The following WWOX variants were observed in gnomAD, a reference collection of about 807,000 sequenced individuals.
WWOX encodes WW domain containing oxidoreductase, also known as WW domain-containing oxidoreductase.
A neutral mutation model predicts 46.2 loss-of-function variants in WWOX; 69 were observed. The observed-to-expected ratio is 1.49, with a 90% CI of 1.23 to 1.82. The LOEUF is 1.82. WWOX is among the 40% of genes most tolerant of loss of function. The pLI, the probability that WWOX is intolerant of heterozygous loss-of-function variation, is 0.00. For missense variants in WWOX, 919 were observed against 542.6 expected, an observed-to-expected ratio of 1.69 and a Z score of -6.89; for synonymous variants, 359 against 202.6, an observed-to-expected ratio of 1.77 and a Z score of -6.56.
intron 4 of WWOX, among the ~76,000 whole-genome samples, chr16:78,159,671 GGTTTTTTTTT>G (rs2034721397): frequency 1.2e-5 from 1 of 84,600 alleles, no homozygotes; most frequent in African/African-American, 4.6e-5. Flanking sequence ...TAAAATCTGT[GGTTTTTTTTT>G]TTTTTTTTTT....
rs549760500 is a variant in WWOX, at chr16:78,565,552, T to C, written c.1056+132800T>C. Among the ~76,000 whole-genome samples the C allele has an allele frequency of 2.6e-5, 4 of 152,334 alleles. No homozygotes were observed. In the East Asian group the frequency reaches 5.8e-4, roughly 22 times the overall value. ...TCTTATAAGGACCCTTTTGATTTCA[T>C]TGGGAATACCCAGATAATCTTGGAT... On this transcript the variant is annotated intron_variant, in intron 8 of 8. Transcript: ENST00000566780.
intron 8 of WWOX, among the ~76,000 whole-genome samples, chr16:78,532,729 C>T (rs184789387): frequency 4.0e-5 from 6 of 151,152 alleles, no homozygotes; most frequent in Admixed American, 1.3e-4. Context: ...TGTAGGGAAA[C>T]TCTCCCTTAT....
intron 8 of WWOX, among the ~76,000 whole-genome samples, chr16:78,868,330 A>G (rs1597083187): frequency 1.3e-5 from 2 of 152,210 alleles, no homozygotes; most frequent in East Asian, 1.9e-4. Flanking sequence ...GAAAAGATGA[A>G]ACTCTATAGA....
At chr16:78,562,261 C>T (rs2859625) in intron 8 of WWOX, among the ~76,000 whole-genome samples, 1 of 152,226 alleles carries the variant, frequency 6.6e-6, no homozygotes, top group Admixed American at 6.5e-5. Flanking sequence ...GCCTCTAGCT[C>T]TCACACTGCA....
At chr16:78,983,771 C>G (rs919022627) in intron 8 of WWOX, among the ~76,000 whole-genome samples, 1 of 151,784 alleles carries the variant, frequency 6.6e-6, no homozygotes, top group South Asian at 2.1e-4. Flanking sequence ...TGTTAAACCC[C>G]TGTGACTTTG....
chr16:78,786,382 T>C (rs1414144673), intron 8 of WWOX, among the ~76,000 whole-genome samples: 1 of 152,162 alleles, frequency 6.6e-6, no homozygotes, highest in Non-Finnish European at 1.5e-5. Context: ...CACGTTATTA[T>C]ATAGTATTTT....
At chr16:79,202,111 G>A (rs530492216) in intron 8 of WWOX, among the ~76,000 whole-genome samples, 14 of 152,236 alleles carry the variant, frequency 9.2e-5, no homozygotes, top group East Asian at 1.9e-4. Context: ...TTGGGTAGAC[G>A]TTGTCGATGG....
At chr16:78,420,126 C>A (rs988499354) in intron 6 of WWOX, among the ~76,000 whole-genome samples, 9 of 152,058 alleles carry the variant, frequency 5.9e-5, no homozygotes, top group African/African-American at 1.4e-4. Flanking sequence ...CAAATACTTA[C>A]AAACACATGG....
chr16:78,781,976 G>A (rs538517014), intron 8 of WWOX, among the ~76,000 whole-genome samples: 1 of 152,248 alleles, frequency 6.6e-6, no homozygotes, highest in African/African-American at 2.4e-5. Flanking sequence ...CTGAGGCAGA[G>A]GATTCCAGCA....
chr16:78,178,200 C>T (rs2075860741), intron 5 of WWOX, among the ~76,000 whole-genome samples: 1 of 152,180 alleles, frequency 6.6e-6, no homozygotes, highest in African/African-American at 2.4e-5. Context: ...GGGTTTGGTA[C>T]AGAGGGGATT....
chr16:78,744,417 C>G lies in WWOX; in HGVS notation c.1056+311665C>G, dbSNP rs116276346. 5.0e-3 allele frequency among the ~76,000 whole-genome samples: 707 copies of G among 140,376 alleles called. 5 individuals carry two copies. The highest frequency in any genetic ancestry group is 0.018 in the African/African-American group (645 of 36,612). 92.1% of individuals were successfully genotyped at this position (140,376 alleles called of 152,430 possible). A position where few individuals can be genotyped will look rare whatever the true frequency, so the allele number is the denominator to read the frequency against. The stretch of plus-strand genomic sequence containing the variant: ...CAGATTAGGAAGGGCCCATGGTCCA[C>G]ACTGCTTTTTTTTTTTTTTTTTTTT... On this transcript the variant is annotated intron_variant, in intron 8 of 8. Transcript: ENST00000566780.
At chr16:78,621,105 C>T (rs1250601417) in intron 8 of WWOX, among the ~76,000 whole-genome samples, 2 of 152,266 alleles carry the variant, frequency 1.3e-5, no homozygotes, top group African/African-American at 4.8e-5. Context: ...CACAGTTTAT[C>T]TTTGAAAATG....
At chr16:78,245,797 C>G (rs1315269519) in intron 5 of WWOX, among the ~76,000 whole-genome samples, 2 of 152,138 alleles carry the variant, frequency 1.3e-5, no homozygotes, top group Admixed American at 1.3e-4. Flanking sequence ...AATATTCTTC[C>G]TCGACAATAG....
chr16:79,122,453 T>C (rs1385065538), intron 8 of WWOX, among the ~76,000 whole-genome samples: 1 of 152,052 alleles, frequency 6.6e-6, no homozygotes, highest in Non-Finnish European at 1.5e-5. Context: ...CTTCTTTCTT[T>C]TTCTTCTTTT....
At chr16:78,736,509 C>T (rs533843450) in intron 8 of WWOX, among the ~76,000 whole-genome samples, 26 of 152,310 alleles carry the variant, frequency 1.7e-4, no homozygotes, top group African/African-American at 5.8e-4. Context: ...TGTGACAACA[C>T]ACATATCATC....
intron 5 of WWOX, among the ~76,000 whole-genome samples, chr16:78,337,002 A>G (rs759692042): frequency 4.6e-5 from 7 of 151,974 alleles, no homozygotes; most frequent in Non-Finnish European, 2.9e-5. Context: ...GCTGGTCTCA[A>G]ACTCCTGACC....
chr16:78,507,997 CGT>C (rs959701013), intron 8 of WWOX, among the ~76,000 whole-genome samples: 292 of 30,974 alleles, frequency 9.4e-3, no homozygotes, highest in African/African-American at 0.012. Flanking sequence ...TGGTTGCGTG[CGT>C]GTGTGTGTGT....
At chr16:78,952,174 G>T (rs12918434) in intron 8 of WWOX, among the ~76,000 whole-genome samples, 12,004 of 151,786 alleles carry the variant, frequency 0.079, 660 homozygotes, top group African/African-American at 0.15. Flanking sequence ...TCCTGCAGTT[G>T]CCCTCCTGCA....
At chr16:78,718,449 A>G (rs2048618789) in intron 8 of WWOX, among the ~76,000 whole-genome samples, 1 of 152,220 alleles carries the variant, frequency 6.6e-6, no homozygotes, top group South Asian at 2.1e-4. Flanking sequence ...GCCAAACTTT[A>G]TAACTGAATA....
Sources: gnomAD v4.1 joint callset for allele counts (sites outside exome capture counted in the v4.1 genomes callset) on GRCh38, gnomAD v4.1.1 for gene constraint, MANE v1.5 for transcripts, NCBI Gene and HGNC (gene_info 2026-07-23, HGNC 2026-07-21) for gene names.